The following PPP2CA variants were observed in gnomAD, a reference collection of about 807,000 sequenced individuals.
PPP2CA encodes protein phosphatase 2 catalytic subunit alpha.
PPP2CA carries 5 observed loss-of-function variants against 38.8 expected under a neutral mutation model. That is an observed-to-expected ratio of 0.13 (90% CI 0.07 to 0.27). The LOEUF is 0.27. PPP2CA is among the 10% of genes least tolerant of loss of function. PPP2CA has a pLI of 1.00. For missense variants in PPP2CA, 88 were observed against 389.7 expected (o/e 0.23, Z 6.52); for synonymous variants, 152 against 134.0 (o/e 1.13, Z -0.93).
At chr5:134,217,008 G>A (rs1439226709) in intron 1 of PPP2CA, among the ~76,000 whole-genome samples, 6 of 152,276 alleles carry the variant, frequency 3.9e-5, no homozygotes, top group Admixed American at 1.3e-4. Context: ...TTGGCCGGGC[G>A]AAGTGGCTCA....
chr5:134,198,117 G>A (rs141058200), intron 6 of PPP2CA, among the ~76,000 whole-genome samples: 206 of 152,332 alleles, frequency 1.4e-3, no homozygotes, highest in Non-Finnish European at 2.3e-3. Context: ...TTGGCCGGGC[G>A]CAGTGGCTCA....
At chr5:134,213,041 C>T (rs2149386481) in intron 1 of PPP2CA, among the ~76,000 whole-genome samples, 1 of 152,290 alleles carries the variant, frequency 6.6e-6, no homozygotes, top group African/African-American at 2.4e-5. Context: ...ACAAGTTTCC[C>T]AGACGATCTA....
intron 3 of PPP2CA, 101 bp downstream of exon 3, chr5:134,201,747 T>A (rs2302598): frequency 0.8 from 988,036 of 1,237,214 alleles, 397,796 homozygotes; most frequent in Non-Finnish European, 0.83. Flanking sequence ...TTAAAAAATA[T>A]CCCCAAAGGG....
intron 2 of PPP2CA, 139 bp downstream of exon 2, chr5:134,205,783 T>C: frequency 1.4e-6 from 1 of 712,844 alleles, no homozygotes; most frequent in Non-Finnish European, 2.3e-6. Context: ...GATTTTTAAG[T>C]CCAAAACCTG....
At chr5:134,221,273 G>A (rs1048292381) in intron 1 of PPP2CA, among the ~76,000 whole-genome samples, 5 of 152,208 alleles carry the variant, frequency 3.3e-5, no homozygotes, top group African/African-American at 7.2e-5. Context: ...CACCACGCCC[G>A]GCTAATTTTT....
intron 2 of PPP2CA, among the ~76,000 whole-genome samples, chr5:134,204,735 T>TC (rs1400597766): frequency 2.0e-5 from 3 of 152,132 alleles, no homozygotes; most frequent in Non-Finnish European, 4.4e-5. Flanking sequence ...AGTGTTGAGA[T>TC]AACAGGCGTG....
intron 1 of PPP2CA, 47 bp downstream of exon 1, chr5:134,225,713 G>A (rs183555171): frequency 2.6e-6 from 4 of 1,561,586 alleles, no homozygotes; most frequent in Non-Finnish European, 3.5e-6. Flanking sequence ...CTTTTCCTCG[G>A]CGGGCTCGGC....
intron 1 of PPP2CA, among the ~76,000 whole-genome samples, chr5:134,210,185 C>T (rs1327769554): frequency 6.6e-6 from 1 of 152,230 alleles, no homozygotes; most frequent in East Asian, 1.9e-4. Context: ...ATCCTGAAAG[C>T]ACCTAATAAG....
intron 5 of PPP2CA, 60 bp downstream of exon 5, chr5:134,200,275 A>G (rs1761944504): frequency 2.6e-5 from 39 of 1,514,080 alleles, no homozygotes; most frequent in Non-Finnish European, 3.5e-5. Context: ...AAACTCCCTA[A>G]TATCTTCTTT....
intron 1 of PPP2CA, among the ~76,000 whole-genome samples, chr5:134,223,039 T>C (rs893089868): frequency 6.6e-6 from 1 of 152,228 alleles, no homozygotes; most frequent in Non-Finnish European, 1.5e-5. Flanking sequence ...TGACCTCTTA[T>C]GGTATACATC....
chr5:134,202,629 A>G (rs754834393), intron 2 of PPP2CA: 1 of 152,230 alleles, frequency 6.6e-6, no homozygotes, highest in Non-Finnish European at 1.5e-5. Flanking sequence ...TTCACAGTTA[A>G]GATGAACTGG....
rs751132322 is a variant in PPP2CA at position 134,200,331 on chromosome 5, A to C, written c.738+4T>G. On this transcript the variant is annotated splice_donor_region_variant and intron_variant, in intron 5 of 6. Coordinates refer to ENST00000481195, the MANE Select transcript of PPP2CA (RefSeq NM_002715.4). ...CAAGTCATATTTCAGAGAACACAGC[A>C]TACCTCCATCACTAGCTGGTGAGCT... 6.2e-7 allele frequency: 1 copy of C among 1,611,028 alleles called. No homozygotes were observed. Among genetic ancestry groups the C allele is most frequent in the Non-Finnish European group, 8.5e-7 (1 of 1,178,704 alleles).
At chr5:134,216,627 T>C (rs1024552266) in intron 1 of PPP2CA, among the ~76,000 whole-genome samples, 1 of 151,584 alleles carries the variant, frequency 6.6e-6, no homozygotes, top group African/African-American at 2.4e-5. Context: ...AAAAAGTGTT[T>C]GGATTAATCA....
At chr5:134,213,503 T>A in intron 1 of PPP2CA, among the ~76,000 whole-genome samples, 1 of 150,156 alleles carries the variant, frequency 6.7e-6, no homozygotes. Context: ...ATTAAAATAT[T>A]AGCTGGGCAT....
At position 134,225,974 on chromosome 5, in the gene PPP2CA, T is replaced by G. The variant is rs1294668999; in HGVS notation, c.-113A>C. 1.0e-6 allele frequency: 1 copy of G among 997,172 alleles called. No homozygotes were observed. Among genetic ancestry groups the G allele is most frequent in the Admixed American group, 2.3e-5 (1 of 43,302 alleles). 61.8% of individuals were successfully genotyped at this position (997,172 alleles called of 1,614,324 possible). A position where few individuals can be genotyped will look rare whatever the true frequency, so the allele number is the denominator to read the frequency against. On this transcript the variant is annotated 5_prime_UTR_variant, in exon 1 of 7. Transcript: ENST00000481195. ...TTCCTCGTGTACTTCTGGCGGCTGT[T>G]GAGGCTGGCGCTGGCCCGCTGGCTC...
At chr5:134,214,388 C>G (rs1762275019) in intron 1 of PPP2CA, among the ~76,000 whole-genome samples, 1 of 152,142 alleles carries the variant, frequency 6.6e-6, no homozygotes, top group Non-Finnish European at 1.5e-5. Context: ...TATACGTGTA[C>G]AGTATTATTG....
intron 1 of PPP2CA, among the ~76,000 whole-genome samples, chr5:134,222,800 C>CA (rs1311700997): frequency 5.3e-5 from 8 of 152,192 alleles, no homozygotes; most frequent in African/African-American, 1.9e-4. Context: ...AAACTATCAA[C>CA]AAATTATGAT....
At chr5:134,207,227 A>T (rs1762102713) in intron 1 of PPP2CA, among the ~76,000 whole-genome samples, 1 of 152,070 alleles carries the variant, frequency 6.6e-6, no homozygotes, top group South Asian at 2.1e-4. Context: ...ATCATGGCGA[A>T]ACCCCATCTC....
At chr5:134,203,733 T>C (rs763857167) in intron 2 of PPP2CA, among the ~76,000 whole-genome samples, 6 of 152,184 alleles carry the variant, frequency 3.9e-5, no homozygotes, top group Non-Finnish European at 8.8e-5. Context: ...GTAAGTTTTT[T>C]TCCCCCCAGA....
Sources: gnomAD v4.1 joint callset for allele counts (sites outside exome capture counted in the v4.1 genomes callset) on GRCh38, gnomAD v4.1.1 for gene constraint, MANE v1.5 for transcripts, NCBI Gene and HGNC (gene_info 2026-07-23, HGNC 2026-07-21) for gene names.